Variants in GALNT13 observed in about 807,000 individuals in gnomAD.
GALNT13 encodes UDP-GalNAc:polypeptide N-acetylgalactosaminyltransferase 13.
In GALNT13, 28 loss-of-function variants were observed where a neutral mutation model predicts 64.2. The ratio of observed to expected loss-of-function variants is 0.44; its 90% CI spans 0.32 to 0.60. The LOEUF (loss-of-function observed/expected upper bound fraction) is 0.60. Ranked by LOEUF, GALNT13 falls within the 20% of genes least tolerant of loss-of-function variation. The probability of loss-of-function intolerance (pLI) is 0.05; values close to 1 mark genes in which losing one functional copy is unlikely to be tolerated. For missense variants in GALNT13, 577 were observed against 669.8 expected, an observed-to-expected ratio of 0.86 and a Z score of 1.53; for synonymous variants, 214 against 224.6, an observed-to-expected ratio of 0.95 and a Z score of 0.42.
At chr2:153,571,428 T>A in the GALNT13 span, among the ~76,000 whole-genome samples, 156 of 151,984 alleles carry the variant, frequency 1.0e-3, no homozygotes, top group Middle Eastern at 6.8e-3. Flanking sequence ...TCTTTCAAAT[T>A]TGATGGCTTT....
At chr2:153,276,195 T>G in the GALNT13 span, among the ~76,000 whole-genome samples, 1 of 152,128 alleles carries the variant, frequency 6.6e-6, no homozygotes, top group Non-Finnish European at 1.5e-5. Context: ...TTTCTTTGTC[T>G]ATTACACACT....
the GALNT13 span, among the ~76,000 whole-genome samples, chr2:153,260,489 T>C: frequency 2.0e-5 from 3 of 152,218 alleles, no homozygotes; most frequent in Admixed American, 2.0e-4. Context: ...GGATAAATTT[T>C]CTTTTCCTTC....
intron 4 of GALNT13, among the ~76,000 whole-genome samples, chr2:154,204,251 C>T (rs1461087421): frequency 1.3e-5 from 2 of 152,108 alleles, no homozygotes; most frequent in African/African-American, 4.8e-5. Context: ...CAATATATTA[C>T]CCTATTTAAG....
chr2:153,476,858 TA>T, the GALNT13 span, among the ~76,000 whole-genome samples: 1 of 152,190 alleles, frequency 6.6e-6, no homozygotes, highest in South Asian at 2.1e-4. Flanking sequence ...CCTCGCATTT[TA>T]TAATTCCCCT....
the GALNT13 span, among the ~76,000 whole-genome samples, chr2:153,633,041 G>A: frequency 5.5e-3 from 844 of 152,130 alleles, 3 homozygotes; most frequent in Non-Finnish European, 8.3e-3. Flanking sequence ...GATTACAGGC[G>A]TGAGCCACCA....
At chr2:153,767,766 G>A in the GALNT13 span, among the ~76,000 whole-genome samples, 1 of 150,148 alleles carries the variant, frequency 6.7e-6, no homozygotes, top group East Asian at 1.9e-4. Context: ...AAATAGTGTA[G>A]TTCATGTTCT....
At chr2:154,096,665 T>G (rs571030458) in intron 3 of GALNT13, among the ~76,000 whole-genome samples, 1 of 152,202 alleles carries the variant, frequency 6.6e-6, no homozygotes, top group South Asian at 2.1e-4. Flanking sequence ...GTCCAGATAC[T>G]ATTAATAACT....
chr2:153,325,910 T>C, the GALNT13 span, among the ~76,000 whole-genome samples: 102,224 of 151,932 alleles, frequency 0.67, 35,660 homozygotes, highest in Non-Finnish European at 0.78. Flanking sequence ...GAGTGTTTTA[T>C]TTCCAATAAT....
chr2:153,299,809 C>T, the GALNT13 span, among the ~76,000 whole-genome samples: 1 of 152,222 alleles, frequency 6.6e-6, no homozygotes, highest in African/African-American at 2.4e-5. Flanking sequence ...CAACCACTTT[C>T]AATTTTTATA....
chr2:153,478,202 CG>C, the GALNT13 span: 1 of 1,557,358 alleles, frequency 6.4e-7, no homozygotes, highest in Non-Finnish European at 8.7e-7. Context: ...AGTGGGCAGG[CG>C]TGGGAGCGGT....
chr2:154,333,518 G>T (rs557048507), intron 9 of GALNT13, among the ~76,000 whole-genome samples: 3 of 151,902 alleles, frequency 2.0e-5, no homozygotes, highest in African/African-American at 7.3e-5. Context: ...TTTCTCATTC[G>T]CCATTTGTTG....
At chr2:153,171,020 TCAGTAA>T in the GALNT13 span, among the ~76,000 whole-genome samples, 3 of 152,252 alleles carry the variant, frequency 2.0e-5, no homozygotes, top group Non-Finnish European at 2.9e-5. Context: ...GTTTGTCTAC[TCAGTAA>T]CAGTAACTTT....
chr2:153,076,381 A>C, the GALNT13 span, among the ~76,000 whole-genome samples: 8 of 152,098 alleles, frequency 5.3e-5, no homozygotes, highest in African/African-American at 1.4e-4. Flanking sequence ...AAAAGTTTTA[A>C]ATGTATTTTC....
chr2:153,804,195 G>C, the GALNT13 span, among the ~76,000 whole-genome samples: 1 of 152,308 alleles, frequency 6.6e-6, no homozygotes, highest in African/African-American at 2.4e-5. Flanking sequence ...TTGAGATACA[G>C]TCTTGCCCTG....
intron 8 of GALNT13, among the ~76,000 whole-genome samples, chr2:154,296,946 G>A (rs970758604): frequency 3.3e-5 from 5 of 152,138 alleles, no homozygotes; most frequent in Non-Finnish European, 5.9e-5. Flanking sequence ...TGGCAAAGAG[G>A]TAGCCAAGGT....
chr2:154,082,959 T>C (rs1029261993), intron 3 of GALNT13, among the ~76,000 whole-genome samples: 2 of 151,934 alleles, frequency 1.3e-5, no homozygotes, highest in Non-Finnish European at 2.9e-5. Flanking sequence ...CCATTGCTTT[T>C]AGTGTTTTAG....
At chr2:154,178,943 C>T (rs1685807517) in intron 4 of GALNT13, among the ~76,000 whole-genome samples, 1 of 152,274 alleles carries the variant, frequency 6.6e-6, no homozygotes, top group Middle Eastern at 3.4e-3. Context: ...CAGCCTCAGT[C>T]CCAAAGGTGC....
At chr2:154,179,724 T>A (rs747938302) in intron 4 of GALNT13, among the ~76,000 whole-genome samples, 1 of 151,378 alleles carries the variant, frequency 6.6e-6, no homozygotes, top group Middle Eastern at 3.2e-3. Flanking sequence ...CTGACCTTTA[T>A]AACTGAAAGA....
the GALNT13 span, among the ~76,000 whole-genome samples, chr2:153,270,696 C>T: frequency 6.6e-6 from 1 of 151,966 alleles, no homozygotes; most frequent in Admixed American, 6.6e-5. Flanking sequence ...ATAAGAAATA[C>T]AGAAATTAGC....
Sources: allele counts gnomAD v4.1 joint callset (sites outside exome capture counted in the v4.1 genomes callset), GRCh38; gene constraint gnomAD v4.1.1; transcripts MANE v1.5; gene names NCBI Gene and HGNC (gene_info 2026-07-23, HGNC 2026-07-21).